Variants in ZFHX3 observed in about 807,000 individuals in gnomAD.
ZFHX3 encodes zinc finger homeobox 3.
Under a neutral mutation model 279.1 loss-of-function variants are expected in ZFHX3, and 42 were observed. The ratio of observed to expected loss-of-function variants is 0.15; its 90% CI spans 0.12 to 0.19. The LOEUF is 0.19. ZFHX3 is among the 10% of genes least tolerant of loss of function. The pLI is 1.00. For missense variants in ZFHX3, 4,981 were observed against 4,754.0 expected (o/e 1.05, Z -1.40); for synonymous variants, 2,293 against 1,957.8 (o/e 1.17, Z -4.52).
chr16:72,795,579 G>A lies in ZFHX3; in HGVS notation c.7103C>T (p.Ser2368Phe), dbSNP rs764506233. The A allele has an allele frequency of 6.2e-7, 1 of 1,614,052 alleles. No individual in the cohort carries two copies. The highest frequency in any genetic ancestry group is 1.1e-5 in the South Asian group (1 of 91,068). Residue 2368 changes from serine (S) to phenylalanine (F), a missense_variant, in exon 9 of 10, where the codon TCC becomes TTC. By Grantham distance (155) the Ser-to-Phe change is radical. Around this residue, in one of 7 missense-constraint regions of ZFHX3, gnomAD observed 744 missense variants for 701.3 expected, o/e 1.06. Transcript: ENST00000268489. Reference protein sequence around the residue: ...EGQDDSQNEDSMDAMEILTPT... With the variant: ...EGQDDSQNEDFMDAMEILTPT... Reference sequence around the variant, plus strand: ...CGTCAGGATTTCCATGGCATCCATGGAATCCTCATTTTGGCTGTCGTCCTG... The same window carrying A: ...CGTCAGGATTTCCATGGCATCCATGAAATCCTCATTTTGGCTGTCGTCCTG...
In ZFHX3 at chr16:72,958,957, G is replaced by A; in HGVS notation, c.1189C>T (p.Pro397Ser). The A allele has an allele frequency of 1.9e-6, 3 of 1,598,682 alleles. No individual in the cohort carries two copies. The highest frequency in any genetic ancestry group is 1.7e-6 in the Non-Finnish European group (2 of 1,172,630). Reference sequence around the variant, plus strand: ...CCGCCAAGGTTCAACAGGGTGCTGGGGGTCAAGAGACCAGCCTGGGGCTGC... The same window carrying A: ...CCGCCAAGGTTCAACAGGGTGCTGGAGGTCAAGAGACCAGCCTGGGGCTGC... ...PEQPQAGLLT[P>S]STLLNLGGLT... Residue 397 changes from proline (P) to serine (S), a missense_variant, in exon 2 of 10, where the codon CCC becomes TCC. Physicochemically the swap from Pro to Ser is moderately conservative, Grantham distance 74. This residue lies in a region of ZFHX3 where 1,068 missense variants were observed against 935.2 expected (regional missense o/e 1.14). Transcript: ENST00000268489.
chr16:73,578,151 C>G (rs2051820336), intron 2 of ZFHX3, among the ~76,000 whole-genome samples: 1 of 152,098 alleles, frequency 6.6e-6, no homozygotes, highest in African/African-American at 2.4e-5. Context: ...AACACTCAAG[C>G]CGGTCTACCT....
At chr16:72,904,894 C>T (rs530499354) in intron 3 of ZFHX3, among the ~76,000 whole-genome samples, 3 of 152,208 alleles carry the variant, frequency 2.0e-5, no homozygotes, top group African/African-American at 7.2e-5. Context: ...TGCAGTAGTG[C>T]CATCTTGGCT....
intron 5 of ZFHX3, among the ~76,000 whole-genome samples, chr16:73,176,788 C>T (rs902148865): frequency 2.4e-4 from 37 of 151,894 alleles, no homozygotes; most frequent in African/African-American, 8.7e-4. Flanking sequence ...ATGTGCTGGT[C>T]CAGCCCTATC....
chr16:73,180,237 A>G (rs80049293), intron 5 of ZFHX3, among the ~76,000 whole-genome samples: 2,637 of 152,290 alleles, frequency 0.017, 87 homozygotes, highest in African/African-American at 0.061. Context: ...CTTGCTGTAC[A>G]CAGATCCAAA....
At chr16:73,149,802 C>T (rs1966896746) in intron 5 of ZFHX3, among the ~76,000 whole-genome samples, 1 of 152,096 alleles carries the variant, frequency 6.6e-6, no homozygotes, top group Admixed American at 6.5e-5. Flanking sequence ...TATTTATTGT[C>T]TTCATTGTGC....
chr16:73,620,155 C>T (rs2052343984), intron 2 of ZFHX3, among the ~76,000 whole-genome samples: 1 of 152,174 alleles, frequency 6.6e-6, no homozygotes, highest in South Asian at 2.1e-4. Context: ...TTTTCAGTCC[C>T]AGAGCTACAA....
intron 4 of ZFHX3, among the ~76,000 whole-genome samples, chr16:73,306,363 A>G (rs960073781): frequency 6.6e-6 from 1 of 152,236 alleles, no homozygotes; most frequent in Non-Finnish European, 1.5e-5. Context: ...TGTGTCGCCT[A>G]GGCTGGAGTG....
chr16:73,321,124 C>T lies in ZFHX3; in HGVS notation c.-1290-2788G>A, dbSNP rs577593873. On this transcript the variant is annotated intron_variant, in intron 3 of 17. Coordinates refer to the ZFHX3 transcript ENST00000641206. ...ATACTAGGACAGAGAGCAAAGCCAA[C>T]CACACTCATAAATTGCCTCCTCCAC... Among the ~76,000 whole-genome samples, 3 of 152,320 alleles carry T rather than the reference C, an allele frequency of 2.0e-5. No homozygotes were observed. In the East Asian group the frequency reaches 5.8e-4, roughly 29 times the overall value.
At chr16:73,324,007 T>C (rs1209214440) in intron 3 of ZFHX3, among the ~76,000 whole-genome samples, 1 of 152,228 alleles carries the variant, frequency 6.6e-6, no homozygotes, top group Admixed American at 6.5e-5. Context: ...GGCAGAGGCC[T>C]TTACCTTGGG....
chr16:73,416,821 C>A (rs761231722), intron 3 of ZFHX3, among the ~76,000 whole-genome samples: 1 of 148,918 alleles, frequency 6.7e-6, no homozygotes, highest in Non-Finnish European at 1.5e-5. Context: ...CTGCAGTGAG[C>A]CGAGATCGCG....
At chr16:72,852,871 A>C (rs1014470700) in intron 4 of ZFHX3, among the ~76,000 whole-genome samples, 2 of 152,190 alleles carry the variant, frequency 1.3e-5, no homozygotes, top group African/African-American at 2.4e-5. Context: ...TTATTTGCTC[A>C]CTAAGTCATT....
intron 2 of ZFHX3, among the ~76,000 whole-genome samples, chr16:73,558,709 C>CCT (rs2020324135): frequency 1.1e-5 from 1 of 90,478 alleles, no homozygotes; most frequent in South Asian, 3.6e-4. Flanking sequence ...GAAAATGACT[C>CCT]TTTTTTTTTT....
intron 2 of ZFHX3, among the ~76,000 whole-genome samples, chr16:73,613,871 C>T (rs745436889): frequency 3.9e-5 from 6 of 152,136 alleles, no homozygotes; most frequent in Non-Finnish European, 7.4e-5. Flanking sequence ...AGGGGGAGGG[C>T]GCGGTCACAG....
chr16:72,787,047 T>C lies in ZFHX3; in HGVS notation c.*117A>G, dbSNP rs571094909. ...CGCTTTTTCTTTTTTTTCTTTTTTT[T>C]TTTTTTTTTGTTTTTTGGTTAGAAG... On this transcript the variant is annotated 3_prime_UTR_variant, in exon 10 of 10. Transcript: ENST00000268489. 175 of 1,017,892 alleles carry C rather than the reference T, an allele frequency of 1.7e-4. 1 individual carries two copies. In the African/African-American group the frequency reaches 1.9e-3, roughly 11 times the overall value. 63.1% of individuals were successfully genotyped at this position (1,017,892 alleles called of 1,614,324 possible). A position where few individuals can be genotyped will look rare whatever the true frequency, so the allele number is the denominator to read the frequency against.
chr16:73,789,397 G>A (rs752161473), intron 1 of ZFHX3, among the ~76,000 whole-genome samples: 2 of 151,864 alleles, frequency 1.3e-5, no homozygotes, highest in Admixed American at 1.3e-4. Flanking sequence ...AGCCAGGATG[G>A]TCTCTATTTC....
intron 4 of ZFHX3, among the ~76,000 whole-genome samples, chr16:72,851,842 C>T (rs1281694883): frequency 1.3e-5 from 2 of 152,184 alleles, no homozygotes; most frequent in African/African-American, 4.8e-5. Context: ...TGAGCCACCG[C>T]ACCTGGCCTC....
At chr16:73,602,908 A>G (rs2052134932) in intron 2 of ZFHX3, among the ~76,000 whole-genome samples, 1 of 148,708 alleles carries the variant, frequency 6.7e-6, no homozygotes, top group Non-Finnish European at 1.5e-5. Context: ...ATTGCACTCC[A>G]GCCTGGGTGA....
intron 5 of ZFHX3, among the ~76,000 whole-genome samples, chr16:73,174,311 A>AACAAC (rs1567409967): frequency 9.5e-5 from 13 of 137,154 alleles, no homozygotes; most frequent in African/African-American, 3.4e-4. Context: ...ACAACAACAA[A>AACAAC]AGGAGGAATA....
Sources: allele counts gnomAD v4.1 joint callset (sites outside exome capture counted in the v4.1 genomes callset), GRCh38; gene constraint gnomAD v4.1.1; regional missense constraint gnomAD v4.1.1; transcripts MANE v1.5; gene names NCBI Gene and HGNC (gene_info 2026-07-23, HGNC 2026-07-21).